Variants in CDH18 observed in about 807,000 individuals in gnomAD.
CDH18 encodes the protein cadherin-18.
In CDH18, 31 loss-of-function variants were observed where a neutral mutation model predicts 67.9. The observed-to-expected ratio is 0.46, with a 90% CI of 0.34 to 0.62. CDH18 has a LOEUF of 0.62. Ranked by LOEUF, CDH18 falls within the 20% of genes least tolerant of loss-of-function variation. The probability of loss-of-function intolerance (pLI) is 0.01; values close to 1 mark genes in which losing one functional copy is unlikely to be tolerated. For synonymous variants in CDH18, 362 were observed against 347.2 expected, an observed-to-expected ratio of 1.04 and a Z score of -0.48; for missense variants, 890 against 975.5, an observed-to-expected ratio of 0.91 and a Z score of 1.17.
chr5:20,280,716 T>A (rs1746190545), intron 1 of CDH18, among the ~76,000 whole-genome samples: 1 of 152,210 alleles, frequency 6.6e-6, no homozygotes, highest in Admixed American at 6.5e-5. Context: ...CCTTTGGGTA[T>A]ATACCCAGTA....
intron 9 of CDH18, among the ~76,000 whole-genome samples, chr5:19,532,240 G>A (rs944682336): frequency 6.6e-5 from 10 of 151,654 alleles, no homozygotes; most frequent in African/African-American, 2.4e-4. Context: ...TGAACTTTTA[G>A]TAACAACATA....
chr5:20,429,460 C>T (rs921138096), intron 1 of CDH18, among the ~76,000 whole-genome samples: 26 of 151,954 alleles, frequency 1.7e-4, no homozygotes, highest in Non-Finnish European at 3.5e-4. Context: ...TGATTTAACC[C>T]AACAAAGAAA....
intron 1 of CDH18, among the ~76,000 whole-genome samples, chr5:20,533,800 T>C (rs1026670916): frequency 6.6e-5 from 10 of 152,066 alleles, no homozygotes; most frequent in African/African-American, 2.4e-4. Context: ...TATTTTGACC[T>C]CAAATGATAT....
intron 2 of CDH18, among the ~76,000 whole-genome samples, chr5:19,912,085 C>T (rs115243959): frequency 0.029 from 4,403 of 151,726 alleles, 233 homozygotes; most frequent in African/African-American, 0.1. Flanking sequence ...GTCATCGATT[C>T]CAGGTAATAA....
In CDH18 at chr5:19,549,086, G is replaced by GA. The variant is rs796407797; in HGVS notation, c.1254-5082dup. On this transcript the variant is annotated intron_variant, in intron 8 of 12. Coordinates refer to ENST00000382275, the MANE Select transcript of CDH18 (RefSeq NM_004934.5). ...TAAAAGGAGAAAATTTTAAAGGGGG[G>GA]ATAATACTGTTTGAATGTTTTTCCT... is the stretch of plus-strand genomic sequence containing the variant. Among the ~76,000 whole-genome samples the GA allele has an allele frequency of 6.6e-5, 10 of 152,208 alleles. 1 individual carries two copies. Among genetic ancestry groups the GA allele is most frequent in the African/African-American group, 2.2e-4 (9 of 41,516 alleles).
chr5:20,114,383 C>T (rs1346409449), intron 2 of CDH18, among the ~76,000 whole-genome samples: 2 of 151,786 alleles, frequency 1.3e-5, no homozygotes, highest in African/African-American at 2.4e-5. Flanking sequence ...CCCTGAGACC[C>T]GATAATATTT....
chr5:19,769,082 A>G (rs1773433966), intron 3 of CDH18, among the ~76,000 whole-genome samples: 1 of 152,048 alleles, frequency 6.6e-6, no homozygotes, highest in Non-Finnish European at 1.5e-5. Context: ...CACCAAGCCT[A>G]AGAACATATG....
At chr5:20,063,441 C>A (rs1192050107) in intron 2 of CDH18, among the ~76,000 whole-genome samples, 3 of 152,092 alleles carry the variant, frequency 2.0e-5, no homozygotes, top group Middle Eastern at 3.4e-3. Flanking sequence ...TGTGCATCCC[C>A]ATTTATTTAC....
rs150717902 is a variant in CDH18, at chr5:20,161,078, A to G, written c.-518+94366T>C. Among the ~76,000 whole-genome samples, 141 of 152,320 alleles carry G rather than the reference A, an allele frequency of 9.3e-4. 1 individual carries two copies. The highest frequency in any genetic ancestry group is 1.8e-3 in the Non-Finnish European group (125 of 68,020). ...TTGGAAAAGAGATCTTATGACTCAC[A>G]AAGTCAAAAATAATTACAACTTGGC... On this transcript the variant is annotated intron_variant, in intron 2 of 14. Coordinates refer to the CDH18 transcript ENST00000507958.
At chr5:20,069,347 T>C (rs1484205814) in intron 2 of CDH18, among the ~76,000 whole-genome samples, 3 of 151,980 alleles carry the variant, frequency 2.0e-5, no homozygotes, top group Non-Finnish European at 2.9e-5. Flanking sequence ...GGTCAGTTTA[T>C]GCAAAGTATT....
At chr5:19,589,875 T>G (rs1033845416) in intron 7 of CDH18, among the ~76,000 whole-genome samples, 7 of 152,142 alleles carry the variant, frequency 4.6e-5, no homozygotes, top group Non-Finnish European at 1.0e-4. Context: ...AGTCTATATC[T>G]AATTTACTCC....
chr5:20,349,081 T>C (rs1281911545), intron 1 of CDH18, among the ~76,000 whole-genome samples: 1 of 152,156 alleles, frequency 6.6e-6, no homozygotes, highest in African/African-American at 2.4e-5. Flanking sequence ...TCAAGAATAG[T>C]TAAAAAGTTG....
At chr5:20,487,912 G>C (rs1056809014) in intron 1 of CDH18, among the ~76,000 whole-genome samples, 3 of 151,864 alleles carry the variant, frequency 2.0e-5, no homozygotes, top group African/African-American at 7.3e-5. Context: ...ACCACAATTC[G>C]AGATCCTAAT....
At chr5:20,162,713 A>G (rs1336787285) in intron 2 of CDH18, among the ~76,000 whole-genome samples, 1 of 151,602 alleles carries the variant, frequency 6.6e-6, no homozygotes, top group East Asian at 1.9e-4. Context: ...ACATACATAT[A>G]TATATGTCTT....
In CDH18 at chr5:20,405,228, T is replaced by C. The variant is rs376377319; in HGVS notation, c.-579-149723A>G. 2.7e-4 allele frequency among the ~76,000 whole-genome samples: 41 copies of C among 152,148 alleles called. No individual in the cohort carries two copies. In the East Asian group the frequency reaches 2.9e-3, roughly 11 times the overall value. ...TAACCAAAACAGCATGGTACTGGTA[T>C]CAAAACAGAGATATAGACCAATGGA... On this transcript the variant is annotated intron_variant, in intron 1 of 14. Transcript: ENST00000507958.
At chr5:20,429,481 A>C (rs1183493243) in intron 1 of CDH18, among the ~76,000 whole-genome samples, 1 of 152,168 alleles carries the variant, frequency 6.6e-6, no homozygotes, top group East Asian at 1.9e-4. Context: ...ATCTCATATA[A>C]ATGATAAACT....
chr5:20,099,487 T>A (rs548862499), intron 2 of CDH18, among the ~76,000 whole-genome samples: 1 of 152,318 alleles, frequency 6.6e-6, no homozygotes, highest in South Asian at 2.1e-4. Flanking sequence ...AACATTCATT[T>A]TTTTCAGGAT....
At chr5:19,693,527 G>T (rs976545376) in intron 5 of CDH18, among the ~76,000 whole-genome samples, 8 of 152,018 alleles carry the variant, frequency 5.3e-5, no homozygotes, top group Non-Finnish European at 1.0e-4. Context: ...GCCTGACTTT[G>T]GCATCTTATT....
intron 2 of CDH18, among the ~76,000 whole-genome samples, chr5:20,130,183 A>G (rs1749153506): frequency 6.6e-6 from 1 of 151,656 alleles, no homozygotes; most frequent in African/African-American, 2.4e-5. Context: ...CATGAAAGGT[A>G]GTATACTACA....
Sources: allele counts gnomAD v4.1 joint callset (sites outside exome capture counted in the v4.1 genomes callset), GRCh38; gene constraint gnomAD v4.1.1; transcripts MANE v1.5; gene names NCBI Gene and HGNC (gene_info 2026-07-23, HGNC 2026-07-21).